Variants in DMC1 observed in about 807,000 individuals in gnomAD.
The protein encoded by DMC1 is meiotic recombination protein DMC1 homolog.
Under a neutral mutation model 50.1 loss-of-function variants are expected in DMC1, and 27 were observed. The observed-to-expected ratio is 0.54, with a 90% CI of 0.40 to 0.74. The LOEUF (loss-of-function observed/expected upper bound fraction) is 0.74, where lower values mean the gene tolerates loss of function less well. DMC1 is among the 30% of genes least tolerant of loss of function. DMC1 has a pLI of 0.00. For synonymous variants in DMC1, 148 were observed against 136.1 expected, an observed-to-expected ratio of 1.09 and a Z score of -0.61; for missense variants, 295 against 420.2, an observed-to-expected ratio of 0.70 and a Z score of 2.60.
chr22:38,526,604 C>A (rs534047167), intron 12 of DMC1, among the ~76,000 whole-genome samples: 63 of 152,098 alleles, frequency 4.1e-4, no homozygotes, highest in African/African-American at 1.5e-3. Flanking sequence ...CATATACACA[C>A]ATACAAAAAT....
chr22:38,548,204 G>C (rs1247573961), intron 8 of DMC1, among the ~76,000 whole-genome samples: 1 of 151,744 alleles, frequency 6.6e-6, no homozygotes, highest in Non-Finnish European at 1.5e-5. Context: ...CATATTTCTG[G>C]GCCTACCCCT....
the DMC1 span, among the ~76,000 whole-genome samples, chr22:38,509,663 TTTTTTTG>T: frequency 6.6e-6 from 1 of 151,984 alleles, no homozygotes; most frequent in Non-Finnish European, 1.5e-5. Context: ...CCTATGTAGC[TTTTTTTG>T]TTTTTTGTTT....
At chr22:38,563,091 A>G (rs924685022) in intron 4 of DMC1, among the ~76,000 whole-genome samples, 1 of 152,354 alleles carries the variant, frequency 6.6e-6, no homozygotes, top group South Asian at 2.1e-4. Context: ...ATTATGGCAT[A>G]AAGCAGAGGG....
chr22:38,563,723 GGAGTCTCGCTCTGTC>G (rs372527123), intron 4 of DMC1, among the ~76,000 whole-genome samples: 156 of 149,174 alleles, frequency 1.0e-3, no homozygotes, highest in African/African-American at 3.7e-3. Context: ...TTTTTGAGAT[GGAGTCTCGCTCTGTC>G]GCCCAGGCTG....
rs189152462 is a variant in DMC1, at chr22:38,564,793, A to T, written c.243+1797T>A. Among the ~76,000 whole-genome samples the T allele has an allele frequency of 2.6e-3, 399 of 152,320 alleles. 1 individual carries two copies. The highest frequency in any genetic ancestry group is 4.5e-3 in the Non-Finnish European group (303 of 68,030). ...TAGAGCAGTTTCCCAAACCCTGAGT[A>T]CTGCTCCAGGGCTTTCTTCAACACC... On this transcript the variant is annotated intron_variant, in intron 4 of 13. Transcript: ENST00000216024.
intron 12 of DMC1, among the ~76,000 whole-genome samples, chr22:38,526,969 T>A (rs1356771010): frequency 6.6e-6 from 1 of 152,158 alleles, no homozygotes; most frequent in Admixed American, 6.6e-5. Flanking sequence ...GCTGACCAAA[T>A]CAAATCTCTG....
At chr22:38,540,236 G>A (rs1245531718) in intron 8 of DMC1, among the ~76,000 whole-genome samples, 1 of 152,120 alleles carries the variant, frequency 6.6e-6, no homozygotes, top group African/African-American at 2.4e-5. Flanking sequence ...AGTGGAGACG[G>A]GGTTTCACCA....
intron 12 of DMC1, among the ~76,000 whole-genome samples, chr22:38,531,587 C>CT (rs1013110929): frequency 4.0e-5 from 6 of 151,710 alleles, no homozygotes; most frequent in Non-Finnish European, 7.4e-5. Flanking sequence ...TAAAATTGTC[C>CT]TTTTTTTTCC....
At chr22:38,537,384 C>A (rs1485992483) in intron 12 of DMC1, among the ~76,000 whole-genome samples, 9 of 151,756 alleles carry the variant, frequency 5.9e-5, no homozygotes, top group African/African-American at 2.2e-4. Context: ...CGGCTAATCT[C>A]TGTATTTTTA....
At chr22:38,555,548 C>T in intron 5 of DMC1, 139 bp from the exon 6 acceptor site, 1 of 615,140 alleles carries the variant, frequency 1.6e-6, no homozygotes, top group East Asian at 3.0e-5. Context: ...ATCTACAGAA[C>T]ATGAACAGCA....
intron 5 of DMC1, 25 bp from the exon 6 acceptor site, chr22:38,555,434 TAACAGG>T: frequency 7.0e-7 from 1 of 1,432,586 alleles, no homozygotes; most frequent in Non-Finnish European, 9.8e-7. Flanking sequence ...AAAGCATTAG[TAACAGG>T]AATAGAAATA....
rs932780030 is a variant in DMC1, at chr22:38,553,513, A to G, written c.380-806T>C. Among the ~76,000 whole-genome samples the G allele has an allele frequency of 4.7e-5, 7 of 150,026 alleles. No individual in the cohort carries two copies. In the South Asian group the frequency reaches 6.3e-4, roughly 14 times the overall value. ...ACTCCGTCTCAAAAAAAAAAAAAAA[A>G]AAAGAAAGTTTAAGACCCTACCACC... On this transcript the variant is annotated intron_variant, in intron 6 of 13. Coordinates refer to ENST00000216024, the MANE Select transcript of DMC1 (RefSeq NM_007068.4).
intron 7 of DMC1, among the ~76,000 whole-genome samples, chr22:38,551,830 C>T (rs5757133): frequency 0.24 from 36,488 of 149,770 alleles, 5,066 homozygotes; most frequent in East Asian, 0.36. Flanking sequence ...GATTGAAGTC[C>T]GGCATTTTGA....
chr22:38,512,531 T>C, the DMC1 span, among the ~76,000 whole-genome samples: 1 of 152,214 alleles, frequency 6.6e-6, no homozygotes, highest in Admixed American at 6.5e-5. Context: ...TTTTCCCTTA[T>C]ATTCAGTCAA....
In DMC1 at chr22:38,519,370, A is replaced by AT. The variant is rs1272580977; in HGVS notation, c.*649dup. The AT allele has an allele frequency of 1.3e-5, 2 of 152,774 alleles. No homozygotes were observed. Among genetic ancestry groups the AT allele is most frequent in the Non-Finnish European group, 1.5e-5 (1 of 68,506 alleles). The allele number at this position is 152,774 out of a possible 1,614,324, so 9.5% of individuals were successfully genotyped here. ...AGCCACCACGCCCAGCCATAAATAC[A>AT]TTTTTTAAAAGTAATTTCTGCTTGT... is the stretch of plus-strand genomic sequence containing the variant. On this transcript the variant is annotated 3_prime_UTR_variant, in exon 14 of 14. Coordinates refer to ENST00000216024, the MANE Select transcript of DMC1 (RefSeq NM_007068.4).
At chr22:38,528,680 G>A (rs2090122620) in intron 12 of DMC1, among the ~76,000 whole-genome samples, 1 of 151,984 alleles carries the variant, frequency 6.6e-6, no homozygotes, top group Non-Finnish European at 1.5e-5. Flanking sequence ...GTGCTGCCTT[G>A]GAGGCTGAGG....
Position 38,555,293 on chromosome 22 carries a change from C to A in DMC1, c.379+64G>T, listed in dbSNP as rs2090458113. 3.8e-6 allele frequency: 4 copies of A among 1,041,738 alleles called. No individual in the cohort carries two copies. In the Admixed American group the frequency reaches 7.2e-5, roughly 19 times the overall value. 64.5% of individuals were successfully genotyped at this position (1,041,738 alleles called of 1,614,324 possible). A position where few individuals can be genotyped will look rare whatever the true frequency, so the allele number is the denominator to read the frequency against. On this transcript the variant is annotated intron_variant, in intron 6 of 13. Transcript: ENST00000216024. ...TTATTTAATTATATGTGTATGTATA[C>A]ACATAGATGTGTATGTGTGTGTGTA...
At chr22:38,511,412 C>T in the DMC1 span, among the ~76,000 whole-genome samples, 1 of 151,958 alleles carries the variant, frequency 6.6e-6, no homozygotes, top group Non-Finnish European at 1.5e-5. Context: ...AATCTCAGCT[C>T]TACAAATAAT....
At chr22:38,562,420 G>A (rs1271232250) in intron 4 of DMC1, 51 bp from the exon 5 acceptor site, 2 of 1,331,664 alleles carry the variant, frequency 1.5e-6, no homozygotes, top group Admixed American at 3.4e-5. Flanking sequence ...GATCATGGTT[G>A]TATTTTCAAA....
Sources: gnomAD v4.1 joint callset for allele counts (sites outside exome capture counted in the v4.1 genomes callset) on GRCh38, gnomAD v4.1.1 for gene constraint, MANE v1.5 for transcripts, NCBI Gene and HGNC (gene_info 2026-07-23, HGNC 2026-07-21) for gene names.